CORO2B: variants seen among roughly 807,000 people sequenced by gnomAD.
CORO2B encodes the protein coronin 2B.
In CORO2B, 26 loss-of-function variants were observed where a neutral mutation model predicts 58.8. The ratio of observed to expected loss-of-function variants is 0.44; its 90% CI spans 0.32 to 0.61. The LOEUF is 0.61. Among genes scored for constraint, CORO2B ranks in the 20% least tolerant of loss-of-function variants. The probability of loss-of-function intolerance (pLI) is 0.04; values close to 1 mark genes in which losing one functional copy is unlikely to be tolerated. For synonymous variants in CORO2B, 242 were observed against 253.8 expected, an observed-to-expected ratio of 0.95 and a Z score of 0.44; for missense variants, 460 against 645.1, an observed-to-expected ratio of 0.71 and a Z score of 3.11.
chr15:68,724,445 A>G (rs74022703), intron 11 of CORO2B, among the ~76,000 whole-genome samples: 2,755 of 152,182 alleles, frequency 0.018, 97 homozygotes, highest in African/African-American at 0.063. Context: ...TCTTTTTTTG[A>G]GACATTGAGG....
chr15:68,695,094 C>A, intron 2 of CORO2B, 46 bp from the exon 3 acceptor site: 1 of 1,474,384 alleles, frequency 6.8e-7, no homozygotes, highest in Non-Finnish European at 9.5e-7. Flanking sequence ...CACCCCAGGG[C>A]CATCAAACTA....
chr15:68,520,585 T>C, the CORO2B span, among the ~76,000 whole-genome samples: 1 of 152,262 alleles, frequency 6.6e-6, no homozygotes, highest in Non-Finnish European at 1.5e-5. Flanking sequence ...TCACAGGGTA[T>C]ATTTTTCTAT....
At chr15:68,588,451 A>G in intron 1 of CORO2B, among the ~76,000 whole-genome samples, 1 of 152,214 alleles carries the variant, frequency 6.6e-6, no homozygotes. Flanking sequence ...AGTGAGCCAA[A>G]TAAAGCATCC....
At chr15:68,636,260 C>G (rs956485284) in intron 1 of CORO2B, among the ~76,000 whole-genome samples, 3 of 152,134 alleles carry the variant, frequency 2.0e-5, no homozygotes, top group African/African-American at 7.2e-5. Context: ...CAGTGACCAT[C>G]CTAGGGGAGG....
intron 2 of CORO2B, among the ~76,000 whole-genome samples, chr15:68,653,316 T>C (rs1901699531): frequency 6.6e-6 from 1 of 151,466 alleles, no homozygotes; most frequent in African/African-American, 2.4e-5. Flanking sequence ...CCACCTAGAG[T>C]TTGTAGTCCA....
chr15:68,562,682 CAAT>C, the CORO2B span, among the ~76,000 whole-genome samples: 4 of 152,006 alleles, frequency 2.6e-5, no homozygotes, highest in Admixed American at 6.5e-5. Flanking sequence ...TACTTCGAGA[CAAT>C]GAAAACAGGC....
chr15:68,599,844 T>A (rs1018031770), intron 1 of CORO2B, among the ~76,000 whole-genome samples: 6 of 152,230 alleles, frequency 3.9e-5, no homozygotes, highest in African/African-American at 1.4e-4. Flanking sequence ...GCTCGAGGCC[T>A]GAGTGAATTC....
chr15:68,627,346 A>T (rs1051642524), intron 1 of CORO2B, among the ~76,000 whole-genome samples: 2 of 152,204 alleles, frequency 1.3e-5, no homozygotes, highest in African/African-American at 4.8e-5. Flanking sequence ...GGGCAGGGCA[A>T]CTTGCCCTCA....
chr15:68,696,544 C>G (rs1043730814), intron 3 of CORO2B, among the ~76,000 whole-genome samples: 10 of 123,144 alleles, frequency 8.1e-5, no homozygotes. Context: ...GGTGACAGAG[C>G]AAGACTCTGC....
chr15:68,666,550 G>T lies in CORO2B; in HGVS notation c.216+21190G>T, dbSNP rs939134872. Among the ~76,000 whole-genome samples, 6 of 152,136 alleles carry T rather than the reference G, an allele frequency of 3.9e-5. No homozygotes were observed. The East Asian group carries it at 5.8e-4, about 15-fold the overall frequency. The stretch of plus-strand genomic sequence containing the variant: ...TCTTTCTGTCTACTACTCCTTCCCT[G>T]CTGGCTCCTCCTGGCAGAGCCCCAG... On this transcript the variant is annotated intron_variant, in intron 2 of 11. Transcript: ENST00000261861.
intron 3 of CORO2B, among the ~76,000 whole-genome samples, chr15:68,699,539 A>G (rs1892591685): frequency 6.6e-6 from 1 of 152,054 alleles, no homozygotes; most frequent in East Asian, 1.9e-4. Context: ...GCTGATCCAG[A>G]GACAAGGAGA....
chr15:68,642,213 A>G (rs1404342716), intron 1 of CORO2B, among the ~76,000 whole-genome samples: 1 of 151,798 alleles, frequency 6.6e-6, no homozygotes, highest in East Asian at 1.9e-4. Flanking sequence ...CCTCTTTAAT[A>G]TGGGAGTAGA....
At chr15:68,666,339 A>G (rs1018724550) in intron 2 of CORO2B, among the ~76,000 whole-genome samples, 2 of 152,192 alleles carry the variant, frequency 1.3e-5, no homozygotes, top group African/African-American at 4.8e-5. Context: ...ACGAGGTGTC[A>G]GAAGTAGGGA....
At chr15:68,597,286 C>A (rs903748357) in intron 1 of CORO2B, among the ~76,000 whole-genome samples, 1 of 152,056 alleles carries the variant, frequency 6.6e-6, no homozygotes, top group Non-Finnish European at 1.5e-5. Flanking sequence ...TTTTAATTCA[C>A]CAGCAACAAA....
At chr15:68,558,529 C>T in the CORO2B span, among the ~76,000 whole-genome samples, 11 of 152,176 alleles carry the variant, frequency 7.2e-5, no homozygotes, top group Admixed American at 5.9e-4. Flanking sequence ...CATGCGTCAC[C>T]ATTCCCCCAG....
chr15:68,726,189 A>T lies in CORO2B; in HGVS notation c.*215A>T. 1.8e-6 allele frequency: 1 copy of T among 568,782 alleles called. No homozygotes were observed. The highest frequency in any genetic ancestry group is 3.0e-6 in the Non-Finnish European group (1 of 335,682). 35.2% of individuals were successfully genotyped at this position (568,782 alleles called of 1,614,324 possible). A position where few individuals can be genotyped will look rare whatever the true frequency, so the allele number is the denominator to read the frequency against. On this transcript the variant is annotated 3_prime_UTR_variant, in exon 12 of 12. Transcript: ENST00000261861. ...CAGCTTCTGGAGACCCCCTGCCGGC[A>T]GCCCCTTTCCCTGCCACCCCAGGAG...
At chr15:68,635,884 A>G (rs1430696995) in intron 1 of CORO2B, among the ~76,000 whole-genome samples, 1 of 152,126 alleles carries the variant, frequency 6.6e-6, no homozygotes, top group Non-Finnish European at 1.5e-5. Flanking sequence ...CCTCACTCGT[A>G]TATTTATCAA....
At chr15:68,590,017 G>T (rs1899661341) in intron 1 of CORO2B, among the ~76,000 whole-genome samples, 1 of 152,194 alleles carries the variant, frequency 6.6e-6, no homozygotes, top group Non-Finnish European at 1.5e-5. Flanking sequence ...ACACTGGGCT[G>T]CCAGCAATCT....
At chr15:68,666,528 T>C (rs1195606267) in intron 2 of CORO2B, among the ~76,000 whole-genome samples, 1 of 152,196 alleles carries the variant, frequency 6.6e-6, no homozygotes, top group Non-Finnish European at 1.5e-5. Flanking sequence ...TTCTCTTTCT[T>C]TCTGTCTACT....
Sources: gnomAD v4.1 joint callset for allele counts (sites outside exome capture counted in the v4.1 genomes callset) on GRCh38, gnomAD v4.1.1 for gene constraint, MANE v1.5 for transcripts, NCBI Gene and HGNC (gene_info 2026-07-23, HGNC 2026-07-21) for gene names.